Variants in PLPPR5 observed in about 807,000 individuals in gnomAD.
PLPPR5 encodes phospholipid phosphatase-related protein type 5.
In PLPPR5, 16 loss-of-function variants were observed where a neutral mutation model predicts 33.9. That is an observed-to-expected ratio of 0.47 (90% confidence interval 0.32 to 0.72). The LOEUF is 0.72. Among genes scored for constraint, PLPPR5 ranks in the 30% least tolerant of loss-of-function variants. The pLI, the probability that PLPPR5 is intolerant of heterozygous loss-of-function variation, is 0.03. For synonymous variants in PLPPR5, 163 were observed against 150.3 expected, an observed-to-expected ratio of 1.08 and a Z score of -0.62; for missense variants, 301 against 406.7, an observed-to-expected ratio of 0.74 and a Z score of 2.23.
chr1:98,991,234 G>A (rs1557695759), intron 1 of PLPPR5: 1 of 151,222 alleles, frequency 6.6e-6, no homozygotes. Flanking sequence ...CATTTACTGT[G>A]TTCATGAAGC....
intron 1 of PLPPR5, among the ~76,000 whole-genome samples, chr1:98,959,945 T>A (rs1453237557): frequency 6.6e-6 from 1 of 152,144 alleles, no homozygotes; most frequent in Non-Finnish European, 1.5e-5. Context: ...GTTCTTGGTC[T>A]AGACTAGCTC....
intron 1 of PLPPR5, among the ~76,000 whole-genome samples, chr1:99,003,939 G>C (rs940574196): frequency 6.6e-6 from 1 of 152,184 alleles, no homozygotes; most frequent in Non-Finnish European, 1.5e-5. Flanking sequence ...GAAAAGGAGG[G>C]AGGTGGCGAA....
chr1:98,913,838 G>A (rs953231428), intron 5 of PLPPR5, among the ~76,000 whole-genome samples: 2 of 152,148 alleles, frequency 1.3e-5, no homozygotes, highest in Non-Finnish European at 2.9e-5. Flanking sequence ...CAGCATTTAG[G>A]AAATATTATC....
intron 5 of PLPPR5, among the ~76,000 whole-genome samples, chr1:98,893,873 AT>A (rs1233582513): frequency 6.6e-6 from 1 of 151,976 alleles, no homozygotes; most frequent in Non-Finnish European, 1.5e-5. Context: ...CCCATTTTAA[AT>A]GTGTTTTGTA....
chr1:98,984,713 T>A (rs1183314612), intron 1 of PLPPR5, among the ~76,000 whole-genome samples: 1 of 152,054 alleles, frequency 6.6e-6, no homozygotes, highest in African/African-American at 2.4e-5. Context: ...TTCCCTTAGT[T>A]ACTATCCTAT....
intron 1 of PLPPR5, among the ~76,000 whole-genome samples, chr1:98,963,845 C>T (rs1161227311): frequency 6.6e-6 from 1 of 152,164 alleles, no homozygotes; most frequent in Non-Finnish European, 1.5e-5. Flanking sequence ...TTTCCTGATC[C>T]TATTAACACA....
chr1:98,985,777 G>C (rs746674832), intron 1 of PLPPR5, among the ~76,000 whole-genome samples: 7 of 152,136 alleles, frequency 4.6e-5, no homozygotes, highest in Middle Eastern at 3.4e-3. Context: ...CATAGCCTAG[G>C]AACAACAGAT....
intron 1 of PLPPR5, among the ~76,000 whole-genome samples, chr1:99,001,932 T>G (rs937860581): frequency 6.6e-6 from 1 of 151,952 alleles, no homozygotes; most frequent in Non-Finnish European, 1.5e-5. Flanking sequence ...TAGATAAGAA[T>G]AATAATTATT....
At chr1:98,912,113 C>T (rs772542971) in intron 5 of PLPPR5, among the ~76,000 whole-genome samples, 2 of 152,094 alleles carry the variant, frequency 1.3e-5, no homozygotes, top group African/African-American at 2.4e-5. Context: ...TTAAACAAGA[C>T]CTAATTTTGT....
At chr1:98,984,023 G>A (rs944909024) in intron 1 of PLPPR5, among the ~76,000 whole-genome samples, 1 of 151,350 alleles carries the variant, frequency 6.6e-6, no homozygotes, top group Non-Finnish European at 1.5e-5. Flanking sequence ...TTAGGTAAGG[G>A]AGGCCTCAGG....
intron 3 of PLPPR5, among the ~76,000 whole-genome samples, chr1:98,943,341 CCA>C (rs893756730): frequency 6.6e-6 from 1 of 152,082 alleles, no homozygotes; most frequent in Non-Finnish European, 1.5e-5. Context: ...TCAAAAAGAC[CCA>C]CAGTCATTTA....
At chr1:98,954,816 C>T (rs1339057448) in intron 2 of PLPPR5, among the ~76,000 whole-genome samples, 2 of 152,042 alleles carry the variant, frequency 1.3e-5, no homozygotes, top group Non-Finnish European at 2.9e-5. Flanking sequence ...AATCTCCTGG[C>T]CAAGCATGGG....
chr1:98,968,065 G>T (rs1651515211), intron 1 of PLPPR5, among the ~76,000 whole-genome samples: 1 of 152,062 alleles, frequency 6.6e-6, no homozygotes, highest in African/African-American at 2.4e-5. Context: ...ATGACAAAAA[G>T]CTGGTGAAAC....
intron 1 of PLPPR5, among the ~76,000 whole-genome samples, chr1:98,974,941 T>C (rs1448026855): frequency 6.6e-6 from 1 of 152,068 alleles, no homozygotes; most frequent in Non-Finnish European, 1.5e-5. Context: ...TGCTAAACCC[T>C]ATATGGTGGC....
intron 3 of PLPPR5, among the ~76,000 whole-genome samples, chr1:98,947,596 G>C (rs1234265993): frequency 4.6e-5 from 7 of 152,178 alleles, no homozygotes; most frequent in Admixed American, 4.6e-4. Context: ...GATTTAAAAA[G>C]TGTTTTAAAG....
At position 98,892,228 on chromosome 1, in the gene PLPPR5, C is replaced by T. The variant is rs558925849; in HGVS notation, c.*844G>A. ...AAAGCCTAAGAGTGGAGCTTTTGACCACTCTTGAGACACTGCTACCCATGG... is the reference window on the plus strand; with the variant it reads ...AAAGCCTAAGAGTGGAGCTTTTGACTACTCTTGAGACACTGCTACCCATGG... On this transcript the variant is annotated 3_prime_UTR_variant, in exon 6 of 6. Transcript: ENST00000263177. 1 of 152,072 alleles carries T rather than the reference C, an allele frequency of 6.6e-6. No homozygotes were observed. Among genetic ancestry groups the T allele is most frequent in the South Asian group, 2.1e-4 (1 of 4,810 alleles). 9.4% of individuals were successfully genotyped at this position (152,072 alleles called of 1,614,324 possible). A position where few individuals can be genotyped will look rare whatever the true frequency, so the allele number is the denominator to read the frequency against.
intron 5 of PLPPR5, among the ~76,000 whole-genome samples, chr1:98,899,237 G>C (rs907697106): frequency 2.0e-5 from 3 of 152,170 alleles, no homozygotes; most frequent in Admixed American, 2.0e-4. Context: ...TCCAGATCAA[G>C]TGCTGACTCC....
rs1650874988 is a variant in PLPPR5, at chr1:98,953,429, T to C, written c.371-109A>G. The C allele has an allele frequency of 2.8e-6, 4 of 1,421,438 alleles. No homozygotes were observed. In the East Asian group the frequency reaches 9.9e-5, roughly 35 times the overall value. 88.1% of individuals were successfully genotyped at this position (1,421,438 alleles called of 1,614,324 possible). A position where few individuals can be genotyped will look rare whatever the true frequency, so the allele number is the denominator to read the frequency against. ...TTTACAATAAACCAAAATGGAAATA[T>C]TTTAGAAACTATAAAATATTCCATG... On this transcript the variant is annotated intron_variant, in intron 2 of 5. Coordinates refer to ENST00000263177, the MANE Select transcript of PLPPR5 (RefSeq NM_001037317.2).
At chr1:98,953,732 C>T (rs573453827) in intron 2 of PLPPR5, among the ~76,000 whole-genome samples, 13 of 152,192 alleles carry the variant, frequency 8.5e-5, no homozygotes, top group Admixed American at 5.9e-4. Context: ...ATCTCACTAA[C>T]GAAGCAAAGC....
Sources: gnomAD v4.1 joint callset for allele counts (sites outside exome capture counted in the v4.1 genomes callset) on GRCh38, gnomAD v4.1.1 for gene constraint, MANE v1.5 for transcripts, NCBI Gene and HGNC (gene_info 2026-07-23, HGNC 2026-07-21) for gene names.